Variants in SLIT2 observed in about 807,000 individuals in gnomAD.
SLIT2 encodes slit guidance ligand 2.
A neutral mutation model predicts 185.7 loss-of-function variants in SLIT2; 41 were observed. That is an observed-to-expected ratio of 0.22 (90% confidence interval 0.17 to 0.29). The LOEUF (loss-of-function observed/expected upper bound fraction) is 0.29. SLIT2 is among the 10% of genes least tolerant of loss of function. The pLI is 1.00. For synonymous variants in SLIT2, 693 were observed against 680.2 expected (o/e 1.02, Z -0.29); for missense variants, 1,571 against 1,909.0 (o/e 0.82, Z 3.30).
chr4:20,531,236 A>C (rs1175619853), intron 16 of SLIT2, among the ~76,000 whole-genome samples: 2 of 152,226 alleles, frequency 1.3e-5, no homozygotes, highest in African/African-American at 4.8e-5. Flanking sequence ...ATGCCTCCTA[A>C]CTGATAAATG....
chr4:20,574,786 C>CAAAAAAAAAAAAAAAAAAAAA (rs57022828), intron 29 of SLIT2, among the ~76,000 whole-genome samples: 1 of 86,174 alleles, frequency 1.2e-5, no homozygotes. Context: ...GACTCGCTTT[C>CAAAAAAAAAAAAAAAAAAAAA]AAAAAAAAAA....
chr4:20,479,033 G>T (rs1219099687), intron 5 of SLIT2, among the ~76,000 whole-genome samples: 1 of 152,124 alleles, frequency 6.6e-6, no homozygotes, highest in African/African-American at 2.4e-5. Flanking sequence ...TAATAGCATG[G>T]ATGTTAGCTA....
chr4:20,411,723 C>A (rs1392332458), intron 4 of SLIT2, among the ~76,000 whole-genome samples: 1 of 152,150 alleles, frequency 6.6e-6, no homozygotes, highest in African/African-American at 2.4e-5. Flanking sequence ...TTCAAAGCAT[C>A]TGGCACATAG....
chr4:20,315,580 G>A (rs536169513), intron 4 of SLIT2, among the ~76,000 whole-genome samples: 2 of 152,098 alleles, frequency 1.3e-5, no homozygotes, highest in African/African-American at 4.8e-5. Context: ...GAGAAGGGAA[G>A]GAACACTTGA....
chr4:20,472,278 A>ATATATCGATATATAGATATATATC (rs1456164605), intron 5 of SLIT2, among the ~76,000 whole-genome samples: 8 of 32,864 alleles, frequency 2.4e-4, no homozygotes, highest in East Asian at 3.6e-3. Flanking sequence ...ATATATATCT[A>ATATATCGATATATAGATATATATC]TATATATAGA....
chr4:20,300,921 T>A (rs1194378755), intron 4 of SLIT2, among the ~76,000 whole-genome samples: 1 of 151,962 alleles, frequency 6.6e-6, no homozygotes. Flanking sequence ...GAAAAAAAAA[T>A]GGATATGGTA....
At chr4:20,556,903 A>G (rs116273391) in intron 26 of SLIT2, among the ~76,000 whole-genome samples, 4,243 of 152,208 alleles carry the variant, frequency 0.028, 102 homozygotes, top group Middle Eastern at 0.085. Context: ...TAAGAAAATG[A>G]AACAGCCTTA....
intron 26 of SLIT2, among the ~76,000 whole-genome samples, chr4:20,560,698 T>A (rs1724621929): frequency 6.6e-6 from 1 of 151,982 alleles, no homozygotes; most frequent in Admixed American, 6.6e-5. Flanking sequence ...TAAATTATTT[T>A]TTTATTTGAA....
chr4:20,357,325 A>T (rs1194442805), intron 4 of SLIT2, among the ~76,000 whole-genome samples: 1 of 152,186 alleles, frequency 6.6e-6, no homozygotes, highest in Non-Finnish European at 1.5e-5. Context: ...TTTGTTTGTT[A>T]GTCCTAAGAG....
chr4:20,555,742 TAAAAC>T (rs924931063), intron 26 of SLIT2, among the ~76,000 whole-genome samples: 3 of 152,086 alleles, frequency 2.0e-5, no homozygotes, highest in African/African-American at 7.3e-5. Flanking sequence ...ATTGACATTT[TAAAAC>T]AAAACTCATC....
intron 4 of SLIT2, among the ~76,000 whole-genome samples, chr4:20,429,050 T>C (rs1234395962): frequency 6.6e-6 from 1 of 152,188 alleles, no homozygotes; most frequent in Non-Finnish European, 1.5e-5. Context: ...ACGTCCTCTA[T>C]GGCACAGATG....
At chr4:20,542,343 T>A (rs1197007465) in intron 20 of SLIT2, 151 bp from the exon 21 acceptor site, 5 of 759,658 alleles carry the variant, frequency 6.6e-6, no homozygotes, top group Admixed American at 2.3e-5. Flanking sequence ...GAACTTACGG[T>A]ATCAATTAGT....
chr4:20,503,259 ACT>A (rs1257454001), intron 9 of SLIT2, among the ~76,000 whole-genome samples: 1 of 152,148 alleles, frequency 6.6e-6, no homozygotes, highest in Non-Finnish European at 1.5e-5. Flanking sequence ...GTGGAGAATA[ACT>A]CAGTGCAGGG....
intron 34 of SLIT2, among the ~76,000 whole-genome samples, chr4:20,610,399 A>T (rs919393704): frequency 6.6e-6 from 1 of 152,212 alleles, no homozygotes; most frequent in Non-Finnish European, 1.5e-5. Flanking sequence ...GTAGAGAAAG[A>T]CATTAATTAA....
chr4:20,410,497 G>T (rs867193533), intron 4 of SLIT2, among the ~76,000 whole-genome samples: 4 of 151,196 alleles, frequency 2.6e-5, no homozygotes, highest in Middle Eastern at 3.4e-3. Context: ...TAGGTGATCC[G>T]CCCACCTCGG....
intron 6 of SLIT2, among the ~76,000 whole-genome samples, chr4:20,481,145 T>C (rs1242165099): frequency 6.6e-6 from 1 of 152,094 alleles, no homozygotes; most frequent in Non-Finnish European, 1.5e-5. Context: ...AATTTGTCGT[T>C]GTTAGGCAAT....
intron 4 of SLIT2, among the ~76,000 whole-genome samples, chr4:20,294,173 C>T (rs1282993270): frequency 1.3e-5 from 2 of 151,860 alleles, no homozygotes; most frequent in Non-Finnish European, 2.9e-5. Flanking sequence ...CATGACGAAA[C>T]CCTGTCTCTA....
At chr4:20,322,630 A>G (rs912764395) in intron 4 of SLIT2, among the ~76,000 whole-genome samples, 6 of 152,030 alleles carry the variant, frequency 3.9e-5, no homozygotes, top group African/African-American at 7.3e-5. Context: ...GTGAAATCCT[A>G]TAGTATTTAT....
intron 9 of SLIT2, among the ~76,000 whole-genome samples, chr4:20,509,460 A>G (rs1246855545): frequency 6.6e-6 from 1 of 152,100 alleles, no homozygotes; most frequent in Non-Finnish European, 1.5e-5. Flanking sequence ...CCCCTGAGAC[A>G]GAGAAGGGAA....
Sources: allele counts gnomAD v4.1 joint callset (sites outside exome capture counted in the v4.1 genomes callset), GRCh38; gene constraint gnomAD v4.1.1; transcripts MANE v1.5; gene names NCBI Gene and HGNC (gene_info 2026-07-23, HGNC 2026-07-21).